The following DHDDS variants were observed in gnomAD, a reference collection of about 807,000 sequenced individuals.
DHDDS encodes the protein dehydrodolichyl diphosphate synthase complex subunit DHDDS.
Under a neutral mutation model 46.2 loss-of-function variants are expected in DHDDS, and 16 were observed. The ratio of observed to expected loss-of-function variants is 0.35; its 90% CI spans 0.23 to 0.53. The LOEUF is 0.53. Ranked by LOEUF, DHDDS falls within the 20% of genes least tolerant of loss-of-function variation. DHDDS has a pLI of 0.94. For synonymous variants in DHDDS, 151 were observed against 163.1 expected (o/e 0.93, Z 0.56); for missense variants, 340 against 423.7 (o/e 0.80, Z 1.73).
At chr1:26,439,510 A>C (rs567095922) in intron 3 of DHDDS, among the ~76,000 whole-genome samples, 439 of 152,078 alleles carry the variant, frequency 2.9e-3, no homozygotes, top group African/African-American at 9.8e-3. Flanking sequence ...TGAACCCTGG[A>C]GGTTGAGGCT....
At chr1:26,453,736 A>G (rs1244575375) in intron 6 of DHDDS, among the ~76,000 whole-genome samples, 1 of 152,230 alleles carries the variant, frequency 6.6e-6, no homozygotes, top group Non-Finnish European at 1.5e-5. Flanking sequence ...TCTGGGTAAC[A>G]GCCAGATCCT....
chr1:26,465,215 G>C (rs2075471101), intron 8 of DHDDS, among the ~76,000 whole-genome samples: 1 of 152,192 alleles, frequency 6.6e-6, no homozygotes, highest in Admixed American at 6.5e-5. Context: ...ATATTAGAGA[G>C]GGAAAAGACA....
intron 5 of DHDDS, among the ~76,000 whole-genome samples, 195 bp downstream of exon 5, chr1:26,446,627 A>T (rs1401625495): frequency 6.6e-6 from 1 of 152,136 alleles, no homozygotes; most frequent in Non-Finnish European, 1.5e-5. Context: ...ATATGTGTGT[A>T]TACTGACACA....
At chr1:26,433,690 A>C (rs1011257694) in intron 2 of DHDDS, among the ~76,000 whole-genome samples, 32 of 151,996 alleles carry the variant, frequency 2.1e-4, no homozygotes, top group African/African-American at 7.5e-4. Flanking sequence ...AAAAAAAAAA[A>C]AAAAGAGTTT....
At chr1:26,468,230 G>T (rs529185619) in intron 8 of DHDDS, among the ~76,000 whole-genome samples, 1 of 152,084 alleles carries the variant, frequency 6.6e-6, no homozygotes, top group Non-Finnish European at 1.5e-5. Flanking sequence ...ATGTTCATAG[G>T]GGGGTCATTT....
At chr1:26,464,676 C>G (rs1461411945) in intron 8 of DHDDS, among the ~76,000 whole-genome samples, 3 of 152,120 alleles carry the variant, frequency 2.0e-5, no homozygotes, top group Admixed American at 6.6e-5. Flanking sequence ...TTTTACAGAC[C>G]CTGTATCATG....
At chr1:26,449,208 TC>T (rs2075296688) in intron 6 of DHDDS, among the ~76,000 whole-genome samples, 1 of 151,854 alleles carries the variant, frequency 6.6e-6, no homozygotes, top group Non-Finnish European at 1.5e-5. Flanking sequence ...CAGCAATTCT[TC>T]CACCTCAGCT....
intron 8 of DHDDS, among the ~76,000 whole-genome samples, 180 bp from the exon 9 acceptor site, chr1:26,468,715 G>A (rs1181828735): frequency 6.6e-6 from 1 of 152,112 alleles, no homozygotes; most frequent in South Asian, 2.1e-4. Context: ...TGCCCTGCCT[G>A]TACAACATGA....
intron 6 of DHDDS, among the ~76,000 whole-genome samples, chr1:26,448,737 G>A (rs1369908953): frequency 1.3e-5 from 2 of 152,180 alleles, no homozygotes; most frequent in African/African-American, 2.4e-5. Context: ...CCATTGTGTA[G>A]ATGAGAAAAC....
chr1:26,436,242 T>A (rs1273070960), intron 2 of DHDDS, among the ~76,000 whole-genome samples: 2 of 151,938 alleles, frequency 1.3e-5, no homozygotes, highest in African/African-American at 4.8e-5. Flanking sequence ...CTACAAAATA[T>A]AAAAAAATTA....
chr1:26,460,250 GATA>G, intron 8 of DHDDS, 106 bp downstream of exon 8: 2 of 900,504 alleles, frequency 2.2e-6, no homozygotes, highest in Non-Finnish European at 3.7e-6. Context: ...ATAAGATGAT[GATA>G]ATGATGATAG....
At chr1:26,455,362 A>G (rs2075361475) in intron 6 of DHDDS, among the ~76,000 whole-genome samples, 1 of 152,164 alleles carries the variant, frequency 6.6e-6, no homozygotes, top group Admixed American at 6.5e-5. Flanking sequence ...AGCCCTTCTT[A>G]TTGCTCAATT....
In DHDDS at chr1:26,465,331, G is replaced by A. The variant is rs190654207; in HGVS notation, c.766-3564G>A. Among the ~76,000 whole-genome samples, 396 of 152,244 alleles carry A rather than the reference G, an allele frequency of 2.6e-3. 1 individual carries two copies. The highest frequency in any genetic ancestry group is 4.5e-3 in the Non-Finnish European group (309 of 68,002). On this transcript the variant is annotated intron_variant, in intron 8 of 8. Transcript: ENST00000236342. ...CAGGTTGTCACTATCTTCTCCTCAG[G>A]ATAAAAGCTTGAGTTATGTATGTAT...
intron 5 of DHDDS, 63 bp downstream of exon 5, chr1:26,446,495 G>A: frequency 6.6e-7 from 1 of 1,509,080 alleles, no homozygotes; most frequent in Non-Finnish European, 9.2e-7. Flanking sequence ...TGGCTTTAGG[G>A]AGACGTCCTG....
chr1:26,453,261 T>A (rs1446461602), intron 6 of DHDDS, among the ~76,000 whole-genome samples: 1 of 152,250 alleles, frequency 6.6e-6, no homozygotes, highest in Non-Finnish European at 1.5e-5. Flanking sequence ...TCATTATTTA[T>A]AATGGCTGTA....
chr1:26,456,079 C>T (rs542237479), intron 6 of DHDDS, among the ~76,000 whole-genome samples: 1 of 152,220 alleles, frequency 6.6e-6, no homozygotes, highest in African/African-American at 2.4e-5. Context: ...TATCTCCTTT[C>T]TGACCATCTC....
intron 8 of DHDDS, among the ~76,000 whole-genome samples, chr1:26,466,683 G>C (rs2075491503): frequency 6.6e-6 from 1 of 152,222 alleles, no homozygotes; most frequent in Non-Finnish European, 1.5e-5. Context: ...AGTGGCTTTA[G>C]CTAGCTCCAT....
intron 3 of DHDDS, among the ~76,000 whole-genome samples, chr1:26,439,632 C>T (rs930932570): frequency 2.0e-5 from 3 of 151,956 alleles, no homozygotes; most frequent in Non-Finnish European, 4.4e-5. Flanking sequence ...CATTTCTGGA[C>T]GAACATTGAG....
chr1:26,441,152 T>A (rs1474221817), intron 3 of DHDDS, among the ~76,000 whole-genome samples: 1 of 151,928 alleles, frequency 6.6e-6, no homozygotes, highest in Non-Finnish European at 1.5e-5. Flanking sequence ...CTTGAACTCC[T>A]GACCTCGTGA....
Sources: allele counts gnomAD v4.1 joint callset (sites outside exome capture counted in the v4.1 genomes callset), GRCh38; gene constraint gnomAD v4.1.1; transcripts MANE v1.5; gene names NCBI Gene and HGNC (gene_info 2026-07-23, HGNC 2026-07-21).